Variants in MERTK observed in about 807,000 individuals in gnomAD.
The protein encoded by MERTK is MER proto-oncogene, tyrosine kinase.
In MERTK, 69 loss-of-function variants were observed where a neutral mutation model predicts 99.3. The ratio of observed to expected loss-of-function variants is 0.70; its 90% CI spans 0.57 to 0.85. The LOEUF is 0.85. MERTK is among the 40% of genes least tolerant of loss of function. The pLI is 0.00. For synonymous variants in MERTK, 426 were observed against 467.6 expected (o/e 0.91, Z 1.15); for missense variants, 1,125 against 1,249.4 (o/e 0.90, Z 1.50).
chr2:111,993,563 C>T (rs1254825213), intron 8 of MERTK, among the ~76,000 whole-genome samples: 1 of 152,136 alleles, frequency 6.6e-6, no homozygotes, highest in Admixed American at 6.5e-5. Context: ...AGCCCAAACA[C>T]AAAATTAGTT....
chr2:111,969,927 A>C (rs13419106), intron 6 of MERTK, among the ~76,000 whole-genome samples: 1 of 151,674 alleles, frequency 6.6e-6, no homozygotes, highest in Non-Finnish European at 1.5e-5. Flanking sequence ...TCCTGACCTC[A>C]TGATCCGCCT....
At chr2:111,970,626 T>A (rs1463354846) in intron 6 of MERTK, among the ~76,000 whole-genome samples, 4 of 152,220 alleles carry the variant, frequency 2.6e-5, no homozygotes, top group Non-Finnish European at 4.4e-5. Context: ...GGTTTTGGCA[T>A]CAGTGTAATA....
At chr2:111,921,334 T>C (rs901250668) in intron 1 of MERTK, among the ~76,000 whole-genome samples, 2 of 152,030 alleles carry the variant, frequency 1.3e-5, no homozygotes, top group African/African-American at 4.8e-5. Flanking sequence ...ACTCGGTCTT[T>C]ACTAAAAATA....
At chr2:112,003,840 T>C in intron 12 of MERTK, 64 bp from the exon 13 acceptor site, 2 of 1,388,080 alleles carry the variant, frequency 1.4e-6, no homozygotes, top group South Asian at 1.2e-5. Context: ...TCTGGCACTG[T>C]AGCATTTCTG....
At chr2:111,933,878 C>T (rs533345297) in intron 2 of MERTK, among the ~76,000 whole-genome samples, 9 of 140,346 alleles carry the variant, frequency 6.4e-5, no homozygotes, top group South Asian at 2.8e-4. Context: ...CCAGCCCCCC[C>T]ACCCCAACAG....
chr2:111,965,144 C>T (rs1394703333), intron 4 of MERTK, 47 bp from the exon 5 acceptor site: 1 of 1,523,756 alleles, frequency 6.6e-7, no homozygotes, highest in South Asian at 1.1e-5. Context: ...TAGTGAACAG[C>T]AGCCTGTTTC....
At chr2:111,994,530 A>G (rs1573627299) in intron 9 of MERTK, 126 bp downstream of exon 9, 14 of 1,354,402 alleles carry the variant, frequency 1.0e-5, no homozygotes, top group Admixed American at 1.7e-5. Context: ...GCTTATCTCA[A>G]CACTTCAGGA....
chr2:111,925,275 G>GATATATCTATATATATATATATATATAT (rs1684535016), intron 1 of MERTK, among the ~76,000 whole-genome samples: 1 of 52,188 alleles, frequency 1.9e-5, no homozygotes, highest in Non-Finnish European at 3.2e-5. Flanking sequence ...GTACAGATCA[G>GATATATCTATATATATATATATATATAT]ATATATATAT....
chr2:111,969,681 C>T (rs1418002688), intron 6 of MERTK, among the ~76,000 whole-genome samples: 1 of 146,102 alleles, frequency 6.8e-6, no homozygotes, highest in Non-Finnish European at 1.5e-5. Flanking sequence ...CCACCACCTC[C>T]AGCCTTTCTT....
chr2:111,944,124 C>A (rs963378283), intron 2 of MERTK, among the ~76,000 whole-genome samples: 1 of 151,968 alleles, frequency 6.6e-6, no homozygotes, highest in African/African-American at 2.4e-5. Context: ...CATGGCAAAT[C>A]CCTGTCTCTA....
chr2:112,005,185 A>G (rs929773125), intron 13 of MERTK, among the ~76,000 whole-genome samples: 9 of 152,070 alleles, frequency 5.9e-5, no homozygotes, highest in Admixed American at 3.9e-4. Flanking sequence ...CTCCCGCCTC[A>G]GTCTCCTGAG....
chr2:111,945,591 A>G (rs894626916), intron 3 of MERTK, among the ~76,000 whole-genome samples: 7 of 152,192 alleles, frequency 4.6e-5, no homozygotes, highest in African/African-American at 9.7e-5. Context: ...GAGAAATTCC[A>G]TGACATCATA....
At chr2:111,972,211 A>G (rs941536260) in intron 6 of MERTK, among the ~76,000 whole-genome samples, 2 of 152,072 alleles carry the variant, frequency 1.3e-5, no homozygotes, top group Non-Finnish European at 2.9e-5. Flanking sequence ...TTGTGTTTTT[A>G]GTAGAGATGT....
intron 2 of MERTK, among the ~76,000 whole-genome samples, chr2:111,941,472 C>T (rs955694673): frequency 1.7e-4 from 26 of 152,276 alleles, no homozygotes; most frequent in Middle Eastern, 3.4e-3. Flanking sequence ...TCCCCCCTTC[C>T]GCATCCACTC....
chr2:111,934,498 TG>T (rs1453792722), intron 2 of MERTK, among the ~76,000 whole-genome samples: 1 of 152,240 alleles, frequency 6.6e-6, no homozygotes, highest in Non-Finnish European at 1.5e-5. Context: ...TTTTCATGTT[TG>T]TTGGCCGCAT....
chr2:111,931,545 G>A (rs1684671109), intron 2 of MERTK, among the ~76,000 whole-genome samples: 1 of 152,106 alleles, frequency 6.6e-6, no homozygotes, highest in Non-Finnish European at 1.5e-5. Flanking sequence ...AATTAGCTGG[G>A]CGTGGTGGCG....
At chr2:111,970,862 C>T (rs1270916445) in intron 6 of MERTK, among the ~76,000 whole-genome samples, 7 of 139,200 alleles carry the variant, frequency 5.0e-5, no homozygotes, top group Non-Finnish European at 1.1e-4. Context: ...TCCTCCTTCT[C>T]CTCCTTCTTC....
At chr2:111,941,960 G>C (rs1403647628) in intron 2 of MERTK, among the ~76,000 whole-genome samples, 2 of 152,188 alleles carry the variant, frequency 1.3e-5, no homozygotes, top group African/African-American at 2.4e-5. Context: ...AGGGTGAGCT[G>C]CCAGACGGTC....
At chr2:111,911,834 G>T (rs183527840) in intron 1 of MERTK, among the ~76,000 whole-genome samples, 2 of 151,238 alleles carry the variant, frequency 1.3e-5, no homozygotes, top group East Asian at 3.9e-4. Context: ...GACTACAGGT[G>T]CATGCCAACA....
Sources: allele counts gnomAD v4.1 joint callset (sites outside exome capture counted in the v4.1 genomes callset), GRCh38; gene constraint gnomAD v4.1.1; transcripts MANE v1.5; gene names NCBI Gene and HGNC (gene_info 2026-07-23, HGNC 2026-07-21).